Variants in DOK5 observed in about 807,000 individuals in gnomAD.
The protein encoded by DOK5 is downstream of tyrosine kinase 5.
A neutral mutation model predicts 43.3 loss-of-function variants in DOK5; 27 were observed. The observed-to-expected ratio is 0.62, with a 90% CI of 0.46 to 0.86. DOK5 has a LOEUF of 0.86. DOK5 is among the 40% of genes least tolerant of loss of function. The pLI, the probability that DOK5 is intolerant of heterozygous loss-of-function variation, is 0.00. For synonymous variants in DOK5, 146 were observed against 140.1 expected (o/e 1.04, Z -0.30); for missense variants, 373 against 392.9 (o/e 0.95, Z 0.43).
chr20:54,553,917 T>A lies in DOK5; in HGVS notation c.67-1016T>A, dbSNP rs1201248058. Among the ~76,000 whole-genome samples, 20 of 141,092 alleles carry A rather than the reference T, an allele frequency of 1.4e-4. No homozygotes were observed. In the East Asian group the frequency reaches 2.3e-3, roughly 16 times the overall value. The allele number at this position is 141,092 out of a possible 152,430, so 92.6% of individuals were successfully genotyped here. ...GTCTCAAAAAAAAAAAAAAAAAAAA[T>A]TATACTTAGTAATTTTTAGGTTTAA... On this transcript the variant is annotated intron_variant, in intron 1 of 7. Coordinates refer to ENST00000262593, the MANE Select transcript of DOK5 (RefSeq NM_018431.5).
rs1316695943 is a variant in DOK5, at chr20:54,565,176, C to T, written c.174+10136C>T. The stretch of plus-strand genomic sequence containing the variant: ...AGTGGATGGCTGCAACTGTGTATAC[C>T]TCTCAACCCTATATATTCTATGTTT... On this transcript the variant is annotated intron_variant, in intron 2 of 7. Coordinates refer to ENST00000262593, the MANE Select transcript of DOK5 (RefSeq NM_018431.5). 3.9e-5 allele frequency among the ~76,000 whole-genome samples: 6 copies of T among 152,140 alleles called. No homozygotes were observed. In the East Asian group the frequency reaches 1.2e-3, roughly 29 times the overall value.
intron 2 of DOK5, chr20:54,555,652 C>T (rs530719783): frequency 2.0e-5 from 3 of 152,346 alleles, no homozygotes; most frequent in East Asian, 1.9e-4. Context: ...CTTGTTAACA[C>T]GCAGCCTATG....
intron 1 of DOK5, among the ~76,000 whole-genome samples, chr20:54,539,595 T>A (rs996722014): frequency 1.3e-5 from 2 of 152,204 alleles, no homozygotes; most frequent in East Asian, 3.8e-4. Flanking sequence ...ATTTTCAATG[T>A]CTGTTTGCTG....
Position 54,615,109 on chromosome 20 carries a change from G to C in DOK5, c.735+4586G>C, listed in dbSNP as rs981378618. ...TAACTCATTGTTTACTGTCACTGTT[G>C]TAAAATTCCCAAGAGTGTGTCTACA... On this transcript the variant is annotated intron_variant, in intron 6 of 7. Coordinates refer to ENST00000262593, the MANE Select transcript of DOK5 (RefSeq NM_018431.5). Among the ~76,000 whole-genome samples, 29 of 152,184 alleles carry C rather than the reference G, an allele frequency of 1.9e-4. 1 individual carries two copies. The highest frequency in any genetic ancestry group is 6.5e-4 in the Admixed American group (10 of 15,286).
intron 4 of DOK5, 93 bp downstream of exon 4, chr20:54,588,899 G>T (rs1985896418): frequency 1.4e-6 from 2 of 1,401,042 alleles, no homozygotes; most frequent in East Asian, 2.4e-5. Context: ...AAAGTTTTTG[G>T]GGTATAAAAA....
At chr20:54,596,381 C>A (rs974672520) in intron 5 of DOK5, among the ~76,000 whole-genome samples, 2 of 152,030 alleles carry the variant, frequency 1.3e-5, no homozygotes, top group African/African-American at 4.8e-5. Context: ...TTAACAATAT[C>A]CTCTAGAACA....
intron 1 of DOK5, among the ~76,000 whole-genome samples, chr20:54,523,175 T>C (rs964350051): frequency 1.4e-4 from 21 of 152,202 alleles, no homozygotes; most frequent in Admixed American, 2.0e-4. Context: ...AAGTCAGAAA[T>C]GCATTAAGCT....
intron 1 of DOK5, among the ~76,000 whole-genome samples, chr20:54,552,175 C>A (rs1984551808): frequency 1.3e-5 from 2 of 152,124 alleles, no homozygotes; most frequent in Non-Finnish European, 2.9e-5. Flanking sequence ...ACAAACAAAA[C>A]CCAAAATCTA....
chr20:54,648,194 C>T (rs970841367), intron 7 of DOK5, among the ~76,000 whole-genome samples: 3 of 152,080 alleles, frequency 2.0e-5, no homozygotes, highest in East Asian at 1.9e-4. Context: ...TCCATCCATC[C>T]ATTCTTTGTT....
Position 54,475,925 on chromosome 20 carries a change from G to T in DOK5, c.-22G>T, listed in dbSNP as rs200424144. ...TTCGGGTGCGCGCTCTTGGGTAAAG[G>T]GGGGGTCACCGGCTGTCTGGGATGG... On this transcript the variant is annotated 5_prime_UTR_variant, in exon 1 of 8. Coordinates refer to ENST00000262593, the MANE Select transcript of DOK5 (RefSeq NM_018431.5). This position sits in a 1 kb window ranked among gnomAD's most constrained non-coding sequence, Gnocchi z 4.2. 4,511 of 1,612,630 alleles carry T rather than the reference G, an allele frequency of 2.8e-3. 11 individuals carry two copies. Among genetic ancestry groups the T allele is most frequent in the South Asian group, 6.4e-3 (580 of 90,416 alleles).
chr20:54,478,396 T>G (rs1415549758), intron 1 of DOK5, among the ~76,000 whole-genome samples: 4 of 152,218 alleles, frequency 2.6e-5, no homozygotes, highest in Admixed American at 2.0e-4. Context: ...ATGTATCTTC[T>G]AGGAATATGT....
chr20:54,601,325 A>G (rs1986291219), intron 5 of DOK5, among the ~76,000 whole-genome samples: 1 of 152,180 alleles, frequency 6.6e-6, no homozygotes. Flanking sequence ...GCTAATTCCA[A>G]CCCATTTCTT....
intron 6 of DOK5, among the ~76,000 whole-genome samples, chr20:54,616,512 T>A (rs531523075): frequency 2.5e-4 from 38 of 152,378 alleles, no homozygotes; most frequent in African/African-American, 8.9e-4. Context: ...CATCTTTCTC[T>A]GGGACCTTGC....
chr20:54,481,220 A>G (rs1244210349), intron 1 of DOK5, among the ~76,000 whole-genome samples: 4 of 150,626 alleles, frequency 2.7e-5, no homozygotes, highest in African/African-American at 7.4e-5. Flanking sequence ...TCCAGGCTGG[A>G]GTGTAGTGGC....
At chr20:54,553,665 G>C (rs187382747) in intron 1 of DOK5, among the ~76,000 whole-genome samples, 1,796 of 150,948 alleles carry the variant, frequency 0.012, 35 homozygotes, top group African/African-American at 0.041. Context: ...GGGAGGCCGA[G>C]GCGGGTGGAT....
At chr20:54,477,079 G>C (rs7264375) in intron 1 of DOK5, among the ~76,000 whole-genome samples, 5,413 of 151,718 alleles carry the variant, frequency 0.036, 346 homozygotes, top group African/African-American at 0.13. Flanking sequence ...AATATCCTTT[G>C]GTGTAATGCC....
chr20:54,644,934 C>G (rs1979326025), intron 7 of DOK5, among the ~76,000 whole-genome samples: 1 of 142,014 alleles, frequency 7.0e-6, no homozygotes, highest in Non-Finnish European at 1.6e-5. Flanking sequence ...TTTTTCATTT[C>G]ATAGTACATA....
chr20:54,621,669 A>G (rs1986980340), intron 6 of DOK5, among the ~76,000 whole-genome samples: 1 of 151,768 alleles, frequency 6.6e-6, no homozygotes. Context: ...AGCCTGGGCA[A>G]TAGAACGAGA....
At chr20:54,569,114 C>G (rs1985200557) in intron 2 of DOK5, among the ~76,000 whole-genome samples, 1 of 151,868 alleles carries the variant, frequency 6.6e-6, no homozygotes, top group Non-Finnish European at 1.5e-5. Flanking sequence ...TATTCTCACA[C>G]ACATATAAAT....
Sources: allele counts gnomAD v4.1 joint callset (sites outside exome capture counted in the v4.1 genomes callset), GRCh38; gene constraint gnomAD v4.1.1; non-coding constraint Gnocchi (gnomAD v3.1); transcripts MANE v1.5; gene names NCBI Gene and HGNC (gene_info 2026-07-23, HGNC 2026-07-21).